Variants in ATXN1 observed in about 807,000 individuals in gnomAD.
ATXN1 encodes ataxin 1, also known as ataxin-1.
ATXN1 carries 8 observed loss-of-function variants against 56.4 expected under a neutral mutation model. The observed-to-expected ratio is 0.14, with a 90% CI of 0.08 to 0.26. The LOEUF (loss-of-function observed/expected upper bound fraction) is 0.26, where lower values mean the gene tolerates loss of function less well. ATXN1 is among the 10% of genes least tolerant of loss of function. The pLI is 1.00. For synonymous variants in ATXN1, 514 were observed against 494.6 expected (o/e 1.04, Z -0.52); for missense variants, 987 against 1,106.5 (o/e 0.89, Z 1.53).
At chr6:16,378,223 C>T (rs1309392011) in intron 6 of ATXN1, among the ~76,000 whole-genome samples, 2 of 152,260 alleles carry the variant, frequency 1.3e-5, no homozygotes, top group Non-Finnish European at 1.5e-5. Flanking sequence ...AGAACATTAA[C>T]TGATTGTACC....
chr6:16,663,221 G>T (rs145572815), intron 2 of ATXN1, among the ~76,000 whole-genome samples: 2 of 151,836 alleles, frequency 1.3e-5, no homozygotes, highest in Non-Finnish European at 2.9e-5. Flanking sequence ...CACCCACCTC[G>T]GCCTCCCGAA....
intron 6 of ATXN1, among the ~76,000 whole-genome samples, chr6:16,463,072 AT>A (rs1333406510): frequency 6.6e-6 from 1 of 152,074 alleles, no homozygotes; most frequent in Non-Finnish European, 1.5e-5. Flanking sequence ...TTTTTCTCCA[AT>A]GGGAAAATAG....
At position 16,326,622 on chromosome 6, in the gene ATXN1, C is replaced by T. The variant is rs201976153; in HGVS notation, c.1689G>A (p.Pro563=). 88 of 1,614,030 alleles carry T rather than the reference C, an allele frequency of 5.5e-5. No individual in the cohort carries two copies. In the East Asian group the frequency reaches 7.8e-4, roughly 14 times the overall value. The change falls in exon 7 of 8, where the codon CCG becomes CCA. Residue 563 remains proline (P), a synonymous_variant. Transcript: ENST00000436367. The surrounding 1 kb of genome is among the most constrained non-coding windows in gnomAD (Gnocchi z 6.6). The stretch of plus-strand genomic sequence containing the variant: ...GAGGCAGCGTAGGGGGAGCCGCCGC[C>T]GGGGAGGCCACGGACTGCACCACAG... ...HLPVVQSVAS[P]AAAPPTLPPY...
chr6:16,578,981 G>A (rs1043585818), intron 4 of ATXN1, among the ~76,000 whole-genome samples: 1 of 152,142 alleles, frequency 6.6e-6, no homozygotes, highest in African/African-American at 2.4e-5. Flanking sequence ...GATTATTTTG[G>A]AATCTGCTAT....
intron 6 of ATXN1, among the ~76,000 whole-genome samples, chr6:16,427,963 T>C (rs1334187560): frequency 6.6e-6 from 1 of 152,150 alleles, no homozygotes; most frequent in Non-Finnish European, 1.5e-5. Flanking sequence ...CTGCACTCTT[T>C]TATTATTGAG....
At position 16,384,876 on chromosome 6, in the gene ATXN1, G is replaced by A. The variant is rs9477103; in HGVS notation, c.-160-56406C>T. 3.8e-3 allele frequency among the ~76,000 whole-genome samples: 583 copies of A among 152,296 alleles called. 4 individuals carry two copies. Among genetic ancestry groups the A allele is most frequent in the African/African-American group, 0.014 (564 of 41,554 alleles). ...TTCTTTACACATTATCCAGTCTCAG[G>A]TAGTTCTCATAGCAATGTGAGAAGA... On this transcript the variant is annotated intron_variant, in intron 6 of 7. Coordinates refer to ENST00000436367, the MANE Select transcript of ATXN1 (RefSeq NM_001128164.2).
chr6:16,402,264 T>G (rs1052343591), intron 6 of ATXN1, among the ~76,000 whole-genome samples: 12 of 133,078 alleles, frequency 9.0e-5, no homozygotes, highest in African/African-American at 2.5e-4. Flanking sequence ...TTTTTTTTTT[T>G]TTTTTTTTTT....
intron 6 of ATXN1, among the ~76,000 whole-genome samples, chr6:16,344,694 G>A (rs1761340209): frequency 6.6e-6 from 1 of 152,236 alleles, no homozygotes. Flanking sequence ...TTGGGACTCA[G>A]ACTGGTCAAC....
intron 4 of ATXN1, among the ~76,000 whole-genome samples, chr6:16,552,973 C>T (rs115163058): frequency 5.3e-5 from 8 of 152,350 alleles, no homozygotes; most frequent in Admixed American, 1.3e-4. Flanking sequence ...CAAAGGGCTT[C>T]GACTTCAGGA....
rs963319126 is a variant in ATXN1, at chr6:16,732,082, C to T, written c.-615+21151G>A. Reference sequence around the variant, plus strand: ...TATAGCATGTTTTTGAGACAATGGACTAACTGCAACAAAGTGTCATATGTA... The same window carrying T: ...TATAGCATGTTTTTGAGACAATGGATTAACTGCAACAAAGTGTCATATGTA... On this transcript the variant is annotated intron_variant, in intron 2 of 7. Transcript: ENST00000436367. 6.6e-5 allele frequency among the ~76,000 whole-genome samples: 10 copies of T among 152,236 alleles called. No individual in the cohort carries two copies. In the South Asian group the frequency reaches 2.1e-3, roughly 32 times the overall value.
chr6:16,386,653 C>T (rs189314084), intron 6 of ATXN1, among the ~76,000 whole-genome samples: 2 of 152,214 alleles, frequency 1.3e-5, no homozygotes, highest in Non-Finnish European at 2.9e-5. Context: ...ACACTGATAA[C>T]AGGTCTCTGG....
chr6:16,504,483 A>G (rs1210845961), intron 5 of ATXN1, among the ~76,000 whole-genome samples: 2 of 152,218 alleles, frequency 1.3e-5, no homozygotes, highest in Admixed American at 1.3e-4. Flanking sequence ...CATTTAATCT[A>G]CAGTGCATAT....
intron 6 of ATXN1, among the ~76,000 whole-genome samples, chr6:16,371,275 T>C (rs1199031543): frequency 2.0e-5 from 3 of 152,110 alleles, no homozygotes; most frequent in Admixed American, 6.6e-5. Flanking sequence ...GTGAACTAAA[T>C]AGGAGCTAAT....
chr6:16,744,219 C>T (rs1305462193), intron 2 of ATXN1, among the ~76,000 whole-genome samples: 2 of 152,116 alleles, frequency 1.3e-5, no homozygotes, highest in Non-Finnish European at 2.9e-5. Flanking sequence ...GAAGTTGTTC[C>T]CAACCTTCCA....
chr6:16,365,213 G>GT (rs1422821027), intron 6 of ATXN1, among the ~76,000 whole-genome samples: 3 of 152,088 alleles, frequency 2.0e-5, no homozygotes, highest in African/African-American at 7.2e-5. Context: ...GTCTCACTCT[G>GT]TTGCCCAGGC....
chr6:16,305,997 A>C lies in ATXN1; in HGVS notation c.*332T>G. 4.3e-6 allele frequency: 1 copy of C among 232,034 alleles called. No individual in the cohort carries two copies. The highest frequency in any genetic ancestry group is 8.6e-6 in the Non-Finnish European group (1 of 115,796). 14.4% of individuals were successfully genotyped at this position (232,034 alleles called of 1,614,324 possible). A position where few individuals can be genotyped will look rare whatever the true frequency, so the allele number is the denominator to read the frequency against. On this transcript the variant is annotated 3_prime_UTR_variant, in exon 8 of 8. Transcript: ENST00000436367. ...CCCTTCCCACGGGACTTTTCTCCTG[A>C]CACTAGCGGGAGTCAGCGCCCCCGG...
At chr6:16,693,371 C>T (rs1350889897) in intron 2 of ATXN1, among the ~76,000 whole-genome samples, 1 of 152,142 alleles carries the variant, frequency 6.6e-6, no homozygotes, top group East Asian at 1.9e-4. Flanking sequence ...CTTTCCAGAA[C>T]ATCACAAGAA....
chr6:16,755,992 T>G (rs1005649643), intron 1 of ATXN1, among the ~76,000 whole-genome samples: 1 of 152,300 alleles, frequency 6.6e-6, no homozygotes, highest in Middle Eastern at 3.4e-3. Context: ...GTTGCTTTTT[T>G]GTCCATAATT....
chr6:16,524,561 T>C (rs765767583), intron 4 of ATXN1, among the ~76,000 whole-genome samples: 2 of 152,238 alleles, frequency 1.3e-5, no homozygotes, highest in Non-Finnish European at 2.9e-5. Context: ...ACTTAAACTC[T>C]CTGAACCCTT....
Sources: allele counts gnomAD v4.1 joint callset (sites outside exome capture counted in the v4.1 genomes callset), GRCh38; gene constraint gnomAD v4.1.1; non-coding constraint Gnocchi (gnomAD v3.1); transcripts MANE v1.5; gene names NCBI Gene and HGNC (gene_info 2026-07-23, HGNC 2026-07-21).